CLNK: variants seen among roughly 807,000 people sequenced by gnomAD.
CLNK encodes cytokine-dependent hematopoietic cell linker.
A neutral mutation model predicts 68.6 loss-of-function variants in CLNK; 74 were observed. The observed-to-expected ratio is 1.08, with a 90% CI of 0.89 to 1.31. CLNK has a LOEUF of 1.31. Ranked by LOEUF, CLNK falls within the 50% of genes most tolerant of loss-of-function variation. The pLI is 0.00. For synonymous variants in CLNK, 198 were observed against 172.2 expected, an observed-to-expected ratio of 1.15 and a Z score of -1.17; for missense variants, 553 against 515.3, an observed-to-expected ratio of 1.07 and a Z score of -0.71.
intron 2 of CLNK, among the ~76,000 whole-genome samples, chr4:10,663,001 C>G (rs1030693266): frequency 1.3e-5 from 2 of 152,184 alleles, no homozygotes; most frequent in Non-Finnish European, 2.9e-5. Flanking sequence ...CCAAAAGAGC[C>G]TGGGTGGCCA....
the CLNK span, among the ~76,000 whole-genome samples, chr4:10,704,363 A>G: frequency 6.6e-6 from 1 of 152,232 alleles, no homozygotes. Context: ...TAAACTCAGG[A>G]TATAATAACT....
At chr4:10,691,972 T>C in the CLNK span, 1 of 152,132 alleles carries the variant, frequency 6.6e-6, no homozygotes, top group Non-Finnish European at 1.5e-5. Context: ...ATTAGATCTT[T>C]GACTTTTTTA....
the CLNK span, among the ~76,000 whole-genome samples, chr4:10,731,021 A>C: frequency 6.6e-6 from 1 of 152,230 alleles, no homozygotes; most frequent in African/African-American, 2.4e-5. Flanking sequence ...TGTAATAATC[A>C]AATCAAGGTA....
At chr4:10,729,791 GC>G in the CLNK span, among the ~76,000 whole-genome samples, 6 of 152,220 alleles carry the variant, frequency 3.9e-5, no homozygotes, top group Middle Eastern at 6.8e-3. Context: ...ATAATTACCT[GC>G]CCATTAACTT....
At chr4:10,671,396 A>AAGAAAGCAGAATT (rs2108896168) in intron 1 of CLNK, among the ~76,000 whole-genome samples, 1 of 145,886 alleles carries the variant, frequency 6.9e-6, no homozygotes, top group Admixed American at 6.9e-5. Context: ...AAAAAAAAAA[A>AAGAAAGCAGAATT]GAAGAAAGCA....
intron 2 of CLNK, among the ~76,000 whole-genome samples, chr4:10,633,457 A>G (rs1356938117): frequency 6.6e-6 from 1 of 152,242 alleles, no homozygotes; most frequent in Non-Finnish European, 1.5e-5. Flanking sequence ...ATGATAGGTT[A>G]ACGCTTCATC....
chr4:10,519,700 G>A (rs931811610), intron 15 of CLNK, among the ~76,000 whole-genome samples: 4 of 152,174 alleles, frequency 2.6e-5, no homozygotes, highest in Non-Finnish European at 5.9e-5. Context: ...CATGATGGAA[G>A]CCAGCGAGAC....
At chr4:10,553,057 G>GA (rs1320662570) in intron 8 of CLNK, among the ~76,000 whole-genome samples, 1 of 151,980 alleles carries the variant, frequency 6.6e-6, no homozygotes, top group African/African-American at 2.4e-5. Flanking sequence ...GAGGAGGGGG[G>GA]GGCATGCAGG....
At chr4:10,699,982 A>G in the CLNK span, among the ~76,000 whole-genome samples, 1 of 142,178 alleles carries the variant, frequency 7.0e-6, no homozygotes, top group Non-Finnish European at 1.5e-5. Context: ...TTGTGGATAT[A>G]AAGGACTGAC....
intron 2 of CLNK, among the ~76,000 whole-genome samples, chr4:10,600,139 G>T (rs1721536875): frequency 6.6e-6 from 1 of 152,104 alleles, no homozygotes; most frequent in Non-Finnish European, 1.5e-5. Flanking sequence ...TGGCCTCTGG[G>T]CCCGACCTTT....
Position 10,616,346 on chromosome 4 carries a change from G to A in CLNK, c.12-18297C>T, listed in dbSNP as rs910180921. Reference sequence around the variant, plus strand: ...CATTAGACTTAAGAAGATAATGGAGGAAATGTTAATAAAGCAGATTTAACT... The same window carrying A: ...CATTAGACTTAAGAAGATAATGGAGAAAATGTTAATAAAGCAGATTTAACT... On this transcript the variant is annotated intron_variant, in intron 2 of 18. Transcript: ENST00000226951. Among the ~76,000 whole-genome samples, 10 of 152,178 alleles carry A rather than the reference G, an allele frequency of 6.6e-5. No individual in the cohort carries two copies. In the East Asian group the frequency reaches 1.9e-3, roughly 29 times the overall value.
At chr4:10,636,922 C>T (rs960458854) in intron 2 of CLNK, among the ~76,000 whole-genome samples, 3 of 152,188 alleles carry the variant, frequency 2.0e-5, no homozygotes, top group African/African-American at 7.2e-5. Flanking sequence ...CTGTAAATAT[C>T]TGCCTCCCTC....
At chr4:10,606,077 AT>A (rs1721776533) in intron 2 of CLNK, among the ~76,000 whole-genome samples, 1 of 152,180 alleles carries the variant, frequency 6.6e-6, no homozygotes, top group South Asian at 2.1e-4. Context: ...TGTTATTAAT[AT>A]TTCAATTTAA....
intron 14 of CLNK, among the ~76,000 whole-genome samples, chr4:10,524,442 G>GAAA (rs1718218730): frequency 6.6e-6 from 1 of 152,176 alleles, no homozygotes; most frequent in African/African-American, 2.4e-5. Context: ...GTTCACTGCT[G>GAAA]AAAAAGTCAG....
intron 8 of CLNK, among the ~76,000 whole-genome samples, chr4:10,546,465 A>G (rs1719235490): frequency 6.6e-6 from 1 of 152,160 alleles, no homozygotes; most frequent in Non-Finnish European, 1.5e-5. Context: ...CCAGTTTTCA[A>G]TATCTTGCTC....
chr4:10,635,760 G>C (rs1164909306), intron 2 of CLNK: 1 of 152,150 alleles, frequency 6.6e-6, no homozygotes, highest in Non-Finnish European at 1.5e-5. Flanking sequence ...ACATGAAAGA[G>C]CTTATAGGTT....
At chr4:10,667,766 T>C (rs1417709442) in intron 2 of CLNK, 93 bp downstream of exon 2, 2 of 1,250,198 alleles carry the variant, frequency 1.6e-6, no homozygotes, top group South Asian at 1.6e-5. Flanking sequence ...GGCGGCCACA[T>C]TGGCATCATT....
At chr4:10,729,121 C>T in the CLNK span, among the ~76,000 whole-genome samples, 244 of 152,242 alleles carry the variant, frequency 1.6e-3, 1 homozygote, top group African/African-American at 5.6e-3. Context: ...TGGATCATTG[C>T]TAAGTGAGAA....
intron 2 of CLNK, among the ~76,000 whole-genome samples, chr4:10,601,465 A>G (rs552528102): frequency 5.1e-4 from 78 of 152,382 alleles, no homozygotes; most frequent in African/African-American, 1.7e-3. Context: ...AAGCATTACC[A>G]GGTCTCCCTG....
Sources: gnomAD v4.1 joint callset for allele counts (sites outside exome capture counted in the v4.1 genomes callset) on GRCh38, gnomAD v4.1.1 for gene constraint, MANE v1.5 for transcripts, NCBI Gene and HGNC (gene_info 2026-07-23, HGNC 2026-07-21) for gene names.